The following SPRY1 variants were observed in gnomAD, a reference collection of about 807,000 sequenced individuals.
SPRY1 encodes the protein protein sprouty homolog 1.
SPRY1 carries 20 observed loss-of-function variants against 22.6 expected under a neutral mutation model. The observed-to-expected ratio is 0.89, with a 90% confidence interval of 0.62 to 1.29. SPRY1 has a LOEUF of 1.29. Among genes scored for constraint, SPRY1 ranks in the 50% most tolerant of loss-of-function variants. The pLI is 0.00. For synonymous variants in SPRY1, 155 were observed against 144.7 expected (o/e 1.07, Z -0.51); for missense variants, 446 against 387.7 (o/e 1.15, Z -1.26).
In SPRY1 at chr4:123,403,467, C is replaced by G. The variant is rs186191312; in HGVS notation, c.*916C>G. 1 of 167,058 alleles carries G rather than the reference C, an allele frequency of 6.0e-6. No individual in the cohort carries two copies. Among genetic ancestry groups the G allele is most frequent in the South Asian group, 2.1e-4 (1 of 4,834 alleles). The allele number at this position is 167,058 out of a possible 1,614,324, so 10.3% of individuals were successfully genotyped here. A position where few individuals can be genotyped will look rare whatever the true frequency, so the allele number is the denominator to read the frequency against. The stretch of plus-strand genomic sequence containing the variant: ...AACAGCTGAGTAATTCTAATCTCTT[C>G]TGTGTTTTCCTTGCCTTAACCACAA... On this transcript the variant is annotated 3_prime_UTR_variant, in exon 3 of 3. Coordinates refer to ENST00000651917, the MANE Select transcript of SPRY1 (RefSeq NM_001258038.2).
chr4:123,402,676 C>A lies in SPRY1; in HGVS notation c.*125C>A. Reference sequence around the variant, plus strand: ...TTTCCCACCTTCTCTTCCCCTGTTGCCAAGGTCTAACTCATGGATTTTTCT... The same window carrying A: ...TTTCCCACCTTCTCTTCCCCTGTTGACAAGGTCTAACTCATGGATTTTTCT... On this transcript the variant is annotated 3_prime_UTR_variant, in exon 3 of 3. Transcript: ENST00000651917. The A allele has an allele frequency of 2.4e-6, 3 of 1,262,686 alleles. No individual in the cohort carries two copies. The highest frequency in any genetic ancestry group is 3.3e-6 in the Non-Finnish European group (3 of 918,148). 78.2% of individuals were successfully genotyped at this position (1,262,686 alleles called of 1,614,324 possible). A position where few individuals can be genotyped will look rare whatever the true frequency, so the allele number is the denominator to read the frequency against.
At chr4:123,399,320 G>T (rs1034604330) in intron 2 of SPRY1, among the ~76,000 whole-genome samples, 7 of 151,856 alleles carry the variant, frequency 4.6e-5, no homozygotes, top group African/African-American at 1.7e-4. Context: ...AGGTTGCAGT[G>T]AGCCAAGGTC....
intron 1 of SPRY1, among the ~76,000 whole-genome samples, chr4:123,397,261 T>A (rs1192755261): frequency 6.6e-6 from 1 of 152,198 alleles, no homozygotes; most frequent in South Asian, 2.1e-4. Flanking sequence ...CAAATGCGTG[T>A]TTGTTTAGGC....
chr4:123,396,831 G>T lies in SPRY1; in HGVS notation c.-403G>T, dbSNP rs1023755821. The T allele has an allele frequency of 2.0e-5, 3 of 152,234 alleles. No individual in the cohort carries two copies. The highest frequency in any genetic ancestry group is 2.1e-4 in the South Asian group (1 of 4,830). 9.4% of individuals were successfully genotyped at this position (152,234 alleles called of 1,614,324 possible). ...GAGACCGCTCTGCAAACCACTGCGT[G>T]CTTTGCAGAGTGATTATCAGCACAG... On this transcript the variant is annotated 5_prime_UTR_variant, in exon 1 of 3. Transcript: ENST00000651917.
intron 2 of SPRY1, chr4:123,399,725 G>A (rs1725072213): frequency 6.6e-6 from 1 of 152,284 alleles, no homozygotes; most frequent in African/African-American, 2.4e-5. Flanking sequence ...AGAAACCTTG[G>A]TGGGCCACCC....
rs1317363608 is a variant in SPRY1 at position 123,403,445 on chromosome 4, A to C, written c.*894A>C. The C allele has an allele frequency of 6.0e-6, 1 of 167,124 alleles. No individual in the cohort carries two copies. Among genetic ancestry groups the C allele is most frequent in the Non-Finnish European group, 1.5e-5 (1 of 68,118 alleles). 10.4% of individuals were successfully genotyped at this position (167,124 alleles called of 1,614,324 possible). On this transcript the variant is annotated 3_prime_UTR_variant, in exon 3 of 3. Coordinates refer to ENST00000651917, the MANE Select transcript of SPRY1 (RefSeq NM_001258038.2). Reference sequence around the variant, plus strand: ...CCTTTTGGCCCCTTGGATAGTTAACAGCTGAGTAATTCTAATCTCTTCTGT... The same window carrying C: ...CCTTTTGGCCCCTTGGATAGTTAACCGCTGAGTAATTCTAATCTCTTCTGT...
At position 123,402,444 on chromosome 4, in the gene SPRY1, A is replaced by C. The variant is rs755109197; in HGVS notation, c.853A>C (p.Arg285=). The change falls in exon 3 of 3, where the codon AGG becomes CGG. Residue 285 remains arginine, a synonymous_variant. Transcript: ENST00000651917. ...TAAAGGATGCCTGAAGCTGTGCAGG[A>C]GGTGTTATGACTGGATCCATCGCCC... is the stretch of plus-strand genomic sequence containing the variant. ...PAKGCLKLCR[R]CYDWIHRPGC... 1.9e-6 allele frequency: 3 copies of C among 1,614,124 alleles called. No individual in the cohort carries two copies. In the Admixed American group the frequency reaches 5.0e-5, roughly 27 times the overall value.
At chr4:123,401,475 C>G (rs924016468) in intron 2 of SPRY1, 62 bp from the exon 3 acceptor site, 57 of 1,338,814 alleles carry the variant, frequency 4.3e-5, no homozygotes, top group South Asian at 7.1e-5. Context: ...GATTCCCCCC[C>G]CCCAAAAAAA....
In SPRY1 at chr4:123,403,370, T is replaced by C. The variant is rs1409090633; in HGVS notation, c.*819T>C. ...TTGATATTTATAGCTGATCAATCTA[T>C]ATGTGTCACAGAACTATGCTGCCTA... On this transcript the variant is annotated 3_prime_UTR_variant, in exon 3 of 3. Coordinates refer to ENST00000651917, the MANE Select transcript of SPRY1 (RefSeq NM_001258038.2). 6.0e-6 allele frequency: 1 copy of C among 167,140 alleles called. No homozygotes were observed. Among genetic ancestry groups the C allele is most frequent in the Admixed American group, 6.5e-5 (1 of 15,286 alleles). The allele number at this position is 167,140 out of a possible 1,614,324, so 10.4% of individuals were successfully genotyped here.
At position 123,396,888 on chromosome 4, in the gene SPRY1, C is replaced by T. The variant is rs915409280; in HGVS notation, c.-346C>T. 1.3e-5 allele frequency: 2 copies of T among 152,176 alleles called. No homozygotes were observed. The highest frequency in any genetic ancestry group is 2.9e-5 in the Non-Finnish European group (2 of 68,042). The allele number at this position is 152,176 out of a possible 1,614,324, so 9.4% of individuals were successfully genotyped here. On this transcript the variant is annotated 5_prime_UTR_variant, in exon 1 of 3. Transcript: ENST00000651917. ...GCCCTGGATAAGGAACAGCTACAGTCGCTGTTAAATGTGCCTGAAAAGCAA... is the reference window on the plus strand; with the variant it reads ...GCCCTGGATAAGGAACAGCTACAGTTGCTGTTAAATGTGCCTGAAAAGCAA...
rs1725232569 is a variant in SPRY1 at position 123,402,934 on chromosome 4, G to GT, written c.*389dup. The GT allele has an allele frequency of 2.3e-6, 1 of 429,120 alleles. No individual in the cohort carries two copies. Among genetic ancestry groups the GT allele is most frequent in the Non-Finnish European group, 4.3e-6 (1 of 234,698 alleles). 26.6% of individuals were successfully genotyped at this position (429,120 alleles called of 1,614,324 possible). On this transcript the variant is annotated 3_prime_UTR_variant, in exon 3 of 3. Coordinates refer to ENST00000651917, the MANE Select transcript of SPRY1 (RefSeq NM_001258038.2). ...GGGTACCGTGGGAGCAGGGAAATTGGTTTTTTAAAAAGCAACTGTTTAATT... is the reference window on the plus strand; with the variant it reads ...GGGTACCGTGGGAGCAGGGAAATTGGTTTTTTTAAAAAGCAACTGTTTAATT...
At chr4:123,398,069 GCGACTAGAACCCGAGTTCTCT>G in intron 2 of SPRY1, 1 of 152,346 alleles carries the variant, frequency 6.6e-6, no homozygotes, top group Middle Eastern at 3.4e-3. Flanking sequence ...CTTGCGAGGA[GCGACTAGAACCCGAGTTCTCT>G]GAGCACACCG....
Position 123,402,115 on chromosome 4 carries a change from C to CA in SPRY1, c.525dup (p.Gln176ThrfsTer7). On this transcript the variant is annotated frameshift_variant, in exon 3 of 3. Coordinates refer to ENST00000651917, the MANE Select transcript of SPRY1 (RefSeq NM_001258038.2). LOFTEE classifies it high-confidence loss of function. ...AAGGGTTCCTTGAAAGAGGACCTGA[C>CA]ACAGCACAAGTTCATTTGTGAACAG... is the stretch of plus-strand genomic sequence containing the variant. 2 of 1,614,200 alleles carry CA rather than the reference C, an allele frequency of 1.2e-6. No individual in the cohort carries two copies. The highest frequency in any genetic ancestry group is 1.7e-6 in the Non-Finnish European group (2 of 1,180,042).
At position 123,397,637 on chromosome 4, in the gene SPRY1, C is replaced by T. The variant is rs920495757; in HGVS notation, c.-275C>T. The T allele has an allele frequency of 2.6e-5, 4 of 152,052 alleles. No homozygotes were observed. The highest frequency in any genetic ancestry group is 9.7e-5 in the African/African-American group (4 of 41,384). The allele number at this position is 152,052 out of a possible 1,614,324, so 9.4% of individuals were successfully genotyped here. A position where few individuals can be genotyped will look rare whatever the true frequency, so the allele number is the denominator to read the frequency against. On this transcript the variant is annotated 5_prime_UTR_variant, in exon 2 of 3. Coordinates refer to ENST00000651917, the MANE Select transcript of SPRY1 (RefSeq NM_001258038.2). The stretch of plus-strand genomic sequence containing the variant: ...CATTTCGGCCGTGGAACCCCAGGCT[C>T]GGAGGACTGGGTGTGAGCGCTGCCC...
intron 2 of SPRY1, chr4:123,399,429 C>T (rs931983973): frequency 6.6e-6 from 1 of 152,226 alleles, no homozygotes; most frequent in Admixed American, 6.5e-5. Flanking sequence ...ACCTCAGCCT[C>T]CTCCCCTCCT....
intron 2 of SPRY1, among the ~76,000 whole-genome samples, chr4:123,400,918 T>TA (rs1207012124): frequency 7.2e-5 from 11 of 152,220 alleles, no homozygotes; most frequent in African/African-American, 2.7e-4. Context: ...GTGTACCTGA[T>TA]ACATTTATTT....
At chr4:123,401,378 G>A (rs1725140535) in intron 2 of SPRY1, among the ~76,000 whole-genome samples, 159 bp from the exon 3 acceptor site, 1 of 151,958 alleles carries the variant, frequency 6.6e-6, no homozygotes. Context: ...TCCTAGAATT[G>A]GACTCTGGCC....
intron 2 of SPRY1, chr4:123,399,643 G>C (rs1725068457): frequency 6.6e-6 from 1 of 152,244 alleles, no homozygotes; most frequent in African/African-American, 2.4e-5. Context: ...ACAAATCCTT[G>C]CTTAGGGTCA....
chr4:123,400,021 G>GT (rs1359000649), intron 2 of SPRY1: 1 of 152,206 alleles, frequency 6.6e-6, no homozygotes, highest in African/African-American at 2.4e-5. Flanking sequence ...GTTGTGCCTG[G>GT]TGTTATGGGT....
Sources: allele counts gnomAD v4.1 joint callset (sites outside exome capture counted in the v4.1 genomes callset), GRCh38; gene constraint gnomAD v4.1.1; transcripts MANE v1.5; gene names NCBI Gene and HGNC (gene_info 2026-07-23, HGNC 2026-07-21).